Variants in KLF8 observed in about 807,000 individuals in gnomAD.
KLF8 encodes the protein KLF transcription factor 8, also known as Krueppel-like factor 8.
KLF8 carries 10 observed loss-of-function variants against 18.2 expected under a neutral mutation model. The ratio of observed to expected loss-of-function variants is 0.55; its 90% CI spans 0.34 to 0.93. The LOEUF is 0.93. Ranked by LOEUF, KLF8 falls within the 40% of genes least tolerant of loss-of-function variation. The pLI, the probability that KLF8 is intolerant of heterozygous loss-of-function variation, is 0.02. For synonymous variants in KLF8, 109 were observed against 97.3 expected (o/e 1.12, Z -0.71); for missense variants, 264 against 277.9 (o/e 0.95, Z 0.36).
chrX:56,158,674 T>G, the KLF8 span, among the ~76,000 whole-genome samples: 1 of 112,140 alleles, frequency 8.9e-6, no homozygotes, highest in Non-Finnish European at 1.9e-5. Context: ...AGTTCACTCA[T>G]GATTTGGCTG....
chrX:55,971,147 A>G, the KLF8 span, among the ~76,000 whole-genome samples: 1 of 111,814 alleles, frequency 8.9e-6, no homozygotes, highest in Non-Finnish European at 1.9e-5. Flanking sequence ...GAATCACACT[A>G]CCATACTTAA....
the KLF8 span, among the ~76,000 whole-genome samples, chrX:56,081,620 A>T: frequency 1.8e-5 from 2 of 111,797 alleles, no homozygotes. Flanking sequence ...ATTTTTTACA[A>T]ATGCCTTCTA....
chrX:56,086,757 C>T, the KLF8 span, among the ~76,000 whole-genome samples: 14 of 110,973 alleles, frequency 1.3e-4, no homozygotes, highest in Non-Finnish European at 2.1e-4. Flanking sequence ...CTTAAAGACA[C>T]CCCTTCTTGC....
chrX:56,087,733 T>C, the KLF8 span, among the ~76,000 whole-genome samples: 3 of 112,262 alleles, frequency 2.7e-5, no homozygotes, highest in Admixed American at 9.5e-5. Flanking sequence ...TGTGAACAGT[T>C]ATTTTTCATT....
the KLF8 span, among the ~76,000 whole-genome samples, chrX:56,037,233 G>T: frequency 1.8e-5 from 2 of 111,637 alleles, no homozygotes; most frequent in Non-Finnish European, 3.8e-5. Context: ...ATTTGCATAT[G>T]TTGAACTATC....
chrX:55,981,374 G>A, the KLF8 span, among the ~76,000 whole-genome samples: 1 of 111,708 alleles, frequency 9.0e-6, no homozygotes, highest in East Asian at 2.8e-4. Flanking sequence ...TGGCAGCAGT[G>A]TATACATATT....
chrX:56,186,775 T>G, the KLF8 span, among the ~76,000 whole-genome samples: 2 of 112,239 alleles, frequency 1.8e-5, no homozygotes, highest in Non-Finnish European at 3.8e-5. Context: ...CCTGAATGAC[T>G]ACTGGGTACA....
At chrX:56,270,344 C>G (rs1307979827) in intron 5 of KLF8, 23 bp downstream of exon 5, 2 of 886,518 alleles carry the variant, frequency 2.3e-6, no homozygotes, top group Admixed American at 6.1e-5. Flanking sequence ...CCATCTCACC[C>G]CCAACACACA....
intron 1 of KLF8, among the ~76,000 whole-genome samples, chrX:56,233,894 G>T (rs1244686681): frequency 9.0e-6 from 1 of 111,615 alleles, no homozygotes; most frequent in Non-Finnish European, 1.9e-5. Flanking sequence ...TCTTTAAGGA[G>T]GGGCTGAGCT....
the KLF8 span, among the ~76,000 whole-genome samples, chrX:56,185,437 T>G: frequency 1.2e-4 from 14 of 112,147 alleles, no homozygotes; most frequent in African/African-American, 4.5e-4. Flanking sequence ...GGGACCAAGT[T>G]GGAAAACACT....
chrX:56,260,944 G>A (rs776641181), intron 2 of KLF8, among the ~76,000 whole-genome samples: 4 of 111,241 alleles, frequency 3.6e-5, no homozygotes, highest in Non-Finnish European at 7.6e-5. Flanking sequence ...TTCTAATCTT[G>A]CATTACCACT....
At chrX:56,091,876 T>A in the KLF8 span, among the ~76,000 whole-genome samples, 1 of 111,797 alleles carries the variant, frequency 8.9e-6, no homozygotes, top group Non-Finnish European at 1.9e-5. Context: ...TTTAGTTTCT[T>A]GAGAAATCTC....
the KLF8 span, among the ~76,000 whole-genome samples, chrX:56,171,026 C>A: frequency 5.4e-5 from 6 of 111,674 alleles, no homozygotes; most frequent in African/African-American, 1.6e-4. Context: ...AGAGTTCATT[C>A]TTCAGTCAGA....
At chrX:55,944,073 C>T in the KLF8 span, among the ~76,000 whole-genome samples, 130 of 112,037 alleles carry the variant, frequency 1.2e-3, 1 homozygote, top group Non-Finnish European at 2.2e-3. Context: ...GCCTTTTCTG[C>T]ATCTATTGAG....
At chrX:55,942,521 T>C in the KLF8 span, among the ~76,000 whole-genome samples, 1 of 110,793 alleles carries the variant, frequency 9.0e-6, no homozygotes, top group East Asian at 2.8e-4. Context: ...AGTATAATAA[T>C]AATAAAATTA....
chrX:56,154,846 A>G, the KLF8 span, among the ~76,000 whole-genome samples: 2 of 112,469 alleles, frequency 1.8e-5, no homozygotes, highest in East Asian at 2.8e-4. Flanking sequence ...CAAAAGACAC[A>G]TGAAAAAATG....
At chrX:56,067,890 C>G in the KLF8 span, among the ~76,000 whole-genome samples, 1 of 112,625 alleles carries the variant, frequency 8.9e-6, no homozygotes, top group Non-Finnish European at 1.9e-5. Flanking sequence ...GTGGCAGTAT[C>G]TGGGAGCAGT....
chrX:56,021,572 A>G, the KLF8 span, among the ~76,000 whole-genome samples: 890 of 109,672 alleles, frequency 8.1e-3, 10 homozygotes, highest in Non-Finnish European at 0.012. Context: ...CAAAGTGGTT[A>G]TACTGACCCG....
the KLF8 span, among the ~76,000 whole-genome samples, chrX:55,928,458 C>T: frequency 6.3e-5 from 7 of 110,822 alleles, no homozygotes; most frequent in African/African-American, 2.0e-4. Context: ...TGGTTTGCTG[C>T]ACCCATCAAC....
Sources: allele counts gnomAD v4.1 joint callset (sites outside exome capture counted in the v4.1 genomes callset), GRCh38; gene constraint gnomAD v4.1.1; transcripts MANE v1.5; gene names NCBI Gene and HGNC (gene_info 2026-07-23, HGNC 2026-07-21).